CACNA2D3: variants seen among roughly 807,000 people sequenced by gnomAD.
CACNA2D3 encodes voltage-dependent calcium channel subunit alpha-2/delta-3.
Under a neutral mutation model 160.6 loss-of-function variants are expected in CACNA2D3, and 60 were observed. The ratio of observed to expected loss-of-function variants is 0.37; its 90% CI spans 0.30 to 0.46. The LOEUF (loss-of-function observed/expected upper bound fraction) is 0.46. Among genes scored for constraint, CACNA2D3 ranks in the 20% least tolerant of loss-of-function variants. CACNA2D3 has a pLI of 1.00. For synonymous variants in CACNA2D3, 558 were observed against 492.9 expected (o/e 1.13, Z -1.75); for missense variants, 1,205 against 1,365.0 (o/e 0.88, Z 1.85).
At chr3:54,300,013 TC>T (rs1308137115) in intron 2 of CACNA2D3, among the ~76,000 whole-genome samples, 5 of 152,246 alleles carry the variant, frequency 3.3e-5, no homozygotes, top group Non-Finnish European at 5.9e-5. Context: ...GATGTATTTT[TC>T]CGCTTCTTTA....
intron 2 of CACNA2D3, among the ~76,000 whole-genome samples, chr3:54,158,654 C>T (rs1700285905): frequency 1.3e-5 from 2 of 152,192 alleles, no homozygotes; most frequent in African/African-American, 4.8e-5. Flanking sequence ...GGACTTCGCC[C>T]ACAGTGCTTG....
chr3:54,756,052 A>T lies in CACNA2D3; in HGVS notation c.1246+3375A>T, dbSNP rs184553369. Reference sequence around the variant, plus strand: ...TTTGAAGACAGTTTAGTCAACTCAGAGTATTTTAGGGCCTGGCTATAGAAT... The same window carrying T: ...TTTGAAGACAGTTTAGTCAACTCAGTGTATTTTAGGGCCTGGCTATAGAAT... On this transcript the variant is annotated intron_variant, in intron 12 of 37. Coordinates refer to ENST00000474759, the MANE Select transcript of CACNA2D3 (RefSeq NM_018398.3). Among the ~76,000 whole-genome samples the T allele has an allele frequency of 2.7e-3, 410 of 152,324 alleles. 4 individuals carry two copies. Among genetic ancestry groups the T allele is most frequent in the East Asian group, 1.9e-3 (10 of 5,188 alleles).
chr3:54,733,173 G>A (rs757509862), intron 11 of CACNA2D3, among the ~76,000 whole-genome samples: 3 of 152,152 alleles, frequency 2.0e-5, no homozygotes, highest in Admixed American at 6.6e-5. Flanking sequence ...TAACTATCTC[G>A]GGACTTTTGT....
chr3:54,375,318 G>A (rs185432788), intron 3 of CACNA2D3, among the ~76,000 whole-genome samples: 7 of 152,226 alleles, frequency 4.6e-5, no homozygotes, highest in Admixed American at 4.6e-4. Context: ...ATTCCCAGAT[G>A]AACACAGTGC....
At chr3:54,852,228 G>A (rs984781428) in intron 17 of CACNA2D3, among the ~76,000 whole-genome samples, 5 of 152,010 alleles carry the variant, frequency 3.3e-5, no homozygotes, top group Admixed American at 1.3e-4. Flanking sequence ...TGACTTGATT[G>A]CCAGGGCAGA....
At chr3:54,614,855 T>TC (rs1167944593) in intron 9 of CACNA2D3, among the ~76,000 whole-genome samples, 1 of 151,522 alleles carries the variant, frequency 6.6e-6, no homozygotes, top group Admixed American at 6.6e-5. Context: ...CCTCCACCAC[T>TC]CCCCAAAAAA....
chr3:54,885,496 T>C lies in CACNA2D3; in HGVS notation c.1966T>C (p.Cys656Arg). Residue 656 changes from cysteine (C) to arginine (R), a missense_variant, in exon 23 of 38, where the codon TGC (cysteine) becomes CGC (arginine). Around this residue, in one of 3 missense-constraint regions of CACNA2D3, gnomAD observed 911 missense variants for 1,002.2 expected, o/e 0.91. Coordinates refer to ENST00000474759, the MANE Select transcript of CACNA2D3 (RefSeq NM_018398.3). ...GCCATGTCATGTTCTTAGGTCCTAC[T>C]GCAACACTGACCTACACCCTGAGCA... Reference protein sequence around the residue: ...DVSLADEWSYCNTDLHPEHRH... With the variant: ...DVSLADEWSYRNTDLHPEHRH... 1 of 1,613,480 alleles carries C rather than the reference T, an allele frequency of 6.2e-7. No individual in the cohort carries two copies. The highest frequency in any genetic ancestry group is 8.5e-7 in the Non-Finnish European group (1 of 1,179,614).
At chr3:54,149,315 C>T (rs1184683634) in intron 2 of CACNA2D3, among the ~76,000 whole-genome samples, 2 of 144,648 alleles carry the variant, frequency 1.4e-5, no homozygotes, top group Non-Finnish European at 3.0e-5. Flanking sequence ...GTGGAGCCCT[C>T]AGCTTGCATA....
chr3:54,878,729 T>A (rs538194015), intron 18 of CACNA2D3: 5 of 270,516 alleles, frequency 1.8e-5, no homozygotes, highest in Non-Finnish European at 2.7e-5. Context: ...TCAGCGGGTC[T>A]CCAGGAGTTC....
At chr3:54,916,290 T>A (rs1390535018) in intron 27 of CACNA2D3, among the ~76,000 whole-genome samples, 1 of 152,100 alleles carries the variant, frequency 6.6e-6, no homozygotes, top group African/African-American at 2.4e-5. Context: ...CACACTGCCT[T>A]CTTGGCCAAG....
intron 5 of CACNA2D3, among the ~76,000 whole-genome samples, chr3:54,522,971 TACTG>T (rs1236499337): frequency 6.6e-6 from 1 of 150,880 alleles, no homozygotes; most frequent in Non-Finnish European, 1.5e-5. Context: ...CTTACTTACT[TACTG>T]ACCAACCTAC....
In CACNA2D3 at chr3:54,440,958, T is replaced by A. The variant is rs546753792; in HGVS notation, c.381+54184T>A. Among the ~76,000 whole-genome samples, 51 of 152,320 alleles carry A rather than the reference T, an allele frequency of 3.3e-4. No homozygotes were observed. The South Asian group carries it at 9.8e-3, about 29-fold the overall frequency. ...GCCACCGTAAACATACGTGTGCATG[T>A]GTCTTTATAGCAGCATGATTTATAG... On this transcript the variant is annotated intron_variant, in intron 4 of 37. Transcript: ENST00000474759.
intron 4 of CACNA2D3, among the ~76,000 whole-genome samples, chr3:54,496,558 G>A (rs13074914): frequency 0.16 from 24,564 of 152,104 alleles, 2,350 homozygotes; most frequent in East Asian, 0.33. Flanking sequence ...TTTTTCAGAT[G>A]TGTGTATTAC....
intron 13 of CACNA2D3, among the ~76,000 whole-genome samples, chr3:54,779,288 G>C (rs562053774): frequency 1.3e-5 from 2 of 152,058 alleles, no homozygotes; most frequent in Non-Finnish European, 2.9e-5. Flanking sequence ...TAGTAGAGAC[G>C]AGGTTTCACC....
At chr3:54,518,773 A>G (rs2106982347) in intron 5 of CACNA2D3, among the ~76,000 whole-genome samples, 1 of 152,280 alleles carries the variant, frequency 6.6e-6, no homozygotes, top group East Asian at 1.9e-4. Context: ...TTCCCCTCCC[A>G]GATGTCACTT....
At chr3:55,073,881 G>A (rs759591590) in intron 37 of CACNA2D3, 22 bp downstream of exon 37, 4 of 1,596,686 alleles carry the variant, frequency 2.5e-6, no homozygotes, top group Non-Finnish European at 3.4e-6. Flanking sequence ...AACTGTTCCT[G>A]TTTCCTTTTC....
chr3:54,586,378 A>G (rs941318975), intron 9 of CACNA2D3, among the ~76,000 whole-genome samples: 2 of 137,316 alleles, frequency 1.5e-5, no homozygotes, highest in Non-Finnish European at 3.4e-5. Flanking sequence ...GAGTGATTCT[A>G]TTAATACCAT....
chr3:54,426,606 A>G (rs1237247831), intron 4 of CACNA2D3, among the ~76,000 whole-genome samples: 1 of 152,230 alleles, frequency 6.6e-6, no homozygotes, highest in Non-Finnish European at 1.5e-5. Context: ...CTCTGTCATT[A>G]ATCCTTCATA....
intron 11 of CACNA2D3, among the ~76,000 whole-genome samples, chr3:54,717,626 ATG>A (rs1226218815): frequency 1.5e-4 from 17 of 110,126 alleles, no homozygotes; most frequent in Admixed American, 3.0e-4. Flanking sequence ...TGTAGTGTGC[ATG>A]TGTGTGTGGT....
Sources: allele counts gnomAD v4.1 joint callset (sites outside exome capture counted in the v4.1 genomes callset), GRCh38; gene constraint gnomAD v4.1.1; regional missense constraint gnomAD v4.1.1; transcripts MANE v1.5; gene names NCBI Gene and HGNC (gene_info 2026-07-23, HGNC 2026-07-21).